The following STK24 variants were observed in gnomAD, a reference collection of about 807,000 sequenced individuals.
STK24 encodes serine/threonine kinase 24, also known as serine/threonine-protein kinase 24.
STK24 carries 21 observed loss-of-function variants against 55.6 expected under a neutral mutation model. The observed-to-expected ratio is 0.38, with a 90% CI of 0.27 to 0.54. The LOEUF is 0.54. Ranked by LOEUF, STK24 falls within the 20% of genes least tolerant of loss-of-function variation. The pLI is 0.79. For synonymous variants in STK24, 200 were observed against 215.2 expected, an observed-to-expected ratio of 0.93 and a Z score of 0.62; for missense variants, 383 against 538.4, an observed-to-expected ratio of 0.71 and a Z score of 2.86.
chr13:98,521,121 G>A (rs72645184), intron 1 of STK24, among the ~76,000 whole-genome samples: 5,518 of 152,280 alleles, frequency 0.036, 150 homozygotes, highest in South Asian at 0.12. Flanking sequence ...AGCGGCCAGG[G>A]ATTACAAGGA....
At position 98,450,553 on chromosome 13, in the gene STK24, A is replaced by C. The variant is rs75762925; in HGVS notation, c.*2620T>G. ...CTCATTGGCAGCAGCCAGCCAGGACACAGCTCAAAAACGCAGGAGCTACCA... is the reference window on the plus strand; with the variant it reads ...CTCATTGGCAGCAGCCAGCCAGGACCCAGCTCAAAAACGCAGGAGCTACCA... On this transcript the variant is annotated 3_prime_UTR_variant, in exon 11 of 11. Coordinates refer to ENST00000539966, the MANE Select transcript of STK24 (RefSeq NM_001032296.4). The C allele has an allele frequency of 3.9e-5, 6 of 152,380 alleles. No homozygotes were observed. Among genetic ancestry groups the C allele is most frequent in the Non-Finnish European group, 8.8e-5 (6 of 68,174 alleles). 9.4% of individuals were successfully genotyped at this position (152,380 alleles called of 1,614,324 possible). A position where few individuals can be genotyped will look rare whatever the true frequency, so the allele number is the denominator to read the frequency against.
At chr13:98,508,559 A>T (rs1223893845) in intron 2 of STK24, among the ~76,000 whole-genome samples, 2 of 152,230 alleles carry the variant, frequency 1.3e-5, no homozygotes, top group Admixed American at 6.5e-5. Context: ...TTGGGACAGA[A>T]GATGAGATCT....
At chr13:98,471,390 A>G (rs1894137800) in intron 5 of STK24, among the ~76,000 whole-genome samples, 4 of 152,200 alleles carry the variant, frequency 2.6e-5, no homozygotes, top group Admixed American at 2.6e-4. Context: ...TACAAGGAAA[A>G]AGGGAGATGA....
intron 7 of STK24, among the ~76,000 whole-genome samples, chr13:98,463,388 C>T (rs748121118): frequency 6.6e-6 from 1 of 152,166 alleles, no homozygotes; most frequent in Non-Finnish European, 1.5e-5. Context: ...GTTTTACAAA[C>T]AGGAAGTTTA....
intron 1 of STK24, among the ~76,000 whole-genome samples, chr13:98,539,293 T>C (rs1304109052): frequency 4.6e-5 from 7 of 152,230 alleles, no homozygotes; most frequent in Admixed American, 4.6e-4. Context: ...TATATAACAA[T>C]ATTAATGTTG....
Position 98,446,881 on chromosome 13 carries a change from A to G in STK24, c.*6292T>C, listed in dbSNP as rs1892877647. 1 of 1,569,724 alleles carries G rather than the reference A, an allele frequency of 6.4e-7. No individual in the cohort carries two copies. Among genetic ancestry groups the G allele is most frequent in the Admixed American group, 1.7e-5 (1 of 59,186 alleles). On this transcript the variant is annotated 3_prime_UTR_variant, in exon 11 of 11. Coordinates refer to ENST00000539966, the MANE Select transcript of STK24 (RefSeq NM_001032296.4). ...AGGACCCCCTCTTCCAAACATCAGG[A>G]TTTCTCCCAAGTCAGCGAGTGAGAT...
intron 1 of STK24, among the ~76,000 whole-genome samples, chr13:98,568,038 C>T (rs1192197545): frequency 6.6e-6 from 1 of 150,868 alleles, no homozygotes; most frequent in South Asian, 2.1e-4. Flanking sequence ...CTCGCTCTGT[C>T]GCCCAGGCTG....
intron 3 of STK24, among the ~76,000 whole-genome samples, chr13:98,476,298 G>A (rs1233233413): frequency 2.7e-5 from 4 of 146,060 alleles, no homozygotes; most frequent in Non-Finnish European, 6.0e-5. Context: ...TTCCACAGAT[G>A]ACAGCAGCAA....
At chr13:98,516,208 C>T (rs56232591) in intron 2 of STK24, among the ~76,000 whole-genome samples, 9,499 of 152,288 alleles carry the variant, frequency 0.062, 360 homozygotes, top group South Asian at 0.12. Context: ...AAGAGCAGTT[C>T]ATGATGTATG....
At chr13:98,528,283 T>C (rs373145294) in intron 1 of STK24, among the ~76,000 whole-genome samples, 1 of 152,104 alleles carries the variant, frequency 6.6e-6, no homozygotes, top group Non-Finnish European at 1.5e-5. Flanking sequence ...GAAAGACAGA[T>C]GGAGGTATCT....
intron 1 of STK24, among the ~76,000 whole-genome samples, chr13:98,569,098 C>T (rs1379584012): frequency 6.6e-6 from 1 of 152,030 alleles, no homozygotes; most frequent in African/African-American, 2.4e-5. Context: ...AACTTCAGAA[C>T]TCAAGGAAAA....
chr13:98,541,930 A>G (rs373633817), intron 1 of STK24, among the ~76,000 whole-genome samples: 2 of 152,234 alleles, frequency 1.3e-5, no homozygotes, highest in African/African-American at 4.8e-5. Context: ...TACTGCTGCT[A>G]CAATATTTAG....
At chr13:98,547,904 T>C (rs1594660523) in intron 1 of STK24, among the ~76,000 whole-genome samples, 1 of 152,348 alleles carries the variant, frequency 6.6e-6, no homozygotes. Flanking sequence ...GTAGTTCTTA[T>C]CCACACAGAG....
chr13:98,530,041 T>C (rs1890064), intron 1 of STK24, among the ~76,000 whole-genome samples: 69,720 of 151,820 alleles, frequency 0.46, 17,454 homozygotes, highest in Non-Finnish European at 0.56. Flanking sequence ...GCAGGAAAAA[T>C]GACGGCAAAG....
At chr13:98,469,542 CCCA>C (rs1323354378) in intron 5 of STK24, among the ~76,000 whole-genome samples, 2 of 133,794 alleles carry the variant, frequency 1.5e-5, no homozygotes, top group Non-Finnish European at 3.4e-5. Context: ...CATCCCCCCC[CCCA>C]AAAAAAAAAG....
chr13:98,572,034 A>G (rs750780058), intron 1 of STK24, among the ~76,000 whole-genome samples: 6 of 152,154 alleles, frequency 3.9e-5, no homozygotes, highest in Non-Finnish European at 7.4e-5. Context: ...CAGGCACCCC[A>G]CTGCCTCTTC....
At chr13:98,549,631 C>T (rs1405488009) in intron 1 of STK24, among the ~76,000 whole-genome samples, 1 of 152,172 alleles carries the variant, frequency 6.6e-6, no homozygotes, top group Non-Finnish European at 1.5e-5. Context: ...GTTCCCACTT[C>T]ACCTTCGGCC....
intron 1 of STK24, among the ~76,000 whole-genome samples, chr13:98,529,349 C>A (rs1027805540): frequency 3.3e-5 from 5 of 152,198 alleles, no homozygotes; most frequent in South Asian, 2.1e-4. Flanking sequence ...CTCCCTCCCC[C>A]ACAGCAGCAG....
At chr13:98,536,635 A>G (rs561628871) in intron 1 of STK24, among the ~76,000 whole-genome samples, 61 of 152,158 alleles carry the variant, frequency 4.0e-4, no homozygotes, top group African/African-American at 1.5e-3. Context: ...AAGTGCTGGG[A>G]TTATAGGGAT....
Sources: allele counts gnomAD v4.1 joint callset (sites outside exome capture counted in the v4.1 genomes callset), GRCh38; gene constraint gnomAD v4.1.1; transcripts MANE v1.5; gene names NCBI Gene and HGNC (gene_info 2026-07-23, HGNC 2026-07-21).